Variants in ATG7 observed in about 807,000 individuals in gnomAD.
ATG7 encodes ubiquitin-like modifier-activating enzyme ATG7.
Under a neutral mutation model 82.4 loss-of-function variants are expected in ATG7, and 70 were observed. The ratio of observed to expected loss-of-function variants is 0.85; its 90% CI spans 0.70 to 1.04. The LOEUF is 1.04. Among genes scored for constraint, ATG7 ranks in the 50% least tolerant of loss-of-function variants. ATG7 has a pLI of 0.00. For missense variants in ATG7, 792 were observed against 864.3 expected, an observed-to-expected ratio of 0.92 and a Z score of 1.05; for synonymous variants, 287 against 313.0, an observed-to-expected ratio of 0.92 and a Z score of 0.88.
intron 20 of ATG7, among the ~76,000 whole-genome samples, chr3:11,518,934 C>G (rs2092359083): frequency 6.6e-6 from 1 of 152,096 alleles, no homozygotes; most frequent in Admixed American, 6.5e-5. Flanking sequence ...TCTCAGAATT[C>G]TCTTGCAGCT....
At chr3:11,328,471 ATCTG>A (rs1219029610) in intron 9 of ATG7, among the ~76,000 whole-genome samples, 1 of 152,222 alleles carries the variant, frequency 6.6e-6, no homozygotes, top group South Asian at 2.1e-4. Flanking sequence ...TTAAATACGA[ATCTG>A]TCTATTTGCG....
intron 14 of ATG7, among the ~76,000 whole-genome samples, chr3:11,352,630 C>A (rs2075648689): frequency 6.6e-6 from 1 of 152,212 alleles, no homozygotes; most frequent in South Asian, 2.1e-4. Flanking sequence ...TTCTACCAGG[C>A]CACGGAGAAA....
At chr3:11,273,727 TAAG>T (rs1462173188) in intron 1 of ATG7, among the ~76,000 whole-genome samples, 3 of 152,210 alleles carry the variant, frequency 2.0e-5, no homozygotes, top group African/African-American at 4.8e-5. Context: ...ATCAGTAAAA[TAAG>T]AAGAAAAAGA....
intron 19 of ATG7, among the ~76,000 whole-genome samples, chr3:11,397,464 T>C (rs2079406778): frequency 6.6e-6 from 1 of 152,034 alleles, no homozygotes; most frequent in Admixed American, 6.6e-5. Context: ...AAATAAATGA[T>C]TTTTCCCCCC....
At chr3:11,564,705 C>CCTCCCTCCCTCACCACCG in the ATG7 span, 1 of 1,443,220 alleles carries the variant, frequency 6.9e-7, no homozygotes, top group Non-Finnish European at 9.3e-7. Context: ...TCCCTCACCA[C>CCTCCCTCCCTCACCACCG]CGCCCTCGGA....
At chr3:11,527,151 C>T (rs1438466636) in intron 20 of ATG7, among the ~76,000 whole-genome samples, 2 of 151,086 alleles carry the variant, frequency 1.3e-5, no homozygotes, top group Non-Finnish European at 2.9e-5. Flanking sequence ...GTTGTCCAGG[C>T]TGGAGTACAG....
intron 20 of ATG7, among the ~76,000 whole-genome samples, chr3:11,532,916 T>C (rs535420499): frequency 6.6e-6 from 1 of 152,312 alleles, no homozygotes; most frequent in Non-Finnish European, 1.5e-5. Context: ...CTGAGTCTTG[T>C]TATCTTTGCA....
intron 18 of ATG7, among the ~76,000 whole-genome samples, chr3:11,378,685 C>CAAAAAAAAAAAAAAAAAAAAAAAAAAAAA (rs368506515): frequency 1.3e-5 from 1 of 78,968 alleles, no homozygotes; most frequent in African/African-American, 7.0e-5. Flanking sequence ...ACTCCATCTC[C>CAAAAAAAAAAAAAAAAAAAAAAAAAAAAA]AAAAAAAAAA....
intron 9 of ATG7, among the ~76,000 whole-genome samples, chr3:11,322,571 C>T (rs779622551): frequency 1.1e-4 from 16 of 151,890 alleles, no homozygotes; most frequent in Non-Finnish European, 2.1e-4. Flanking sequence ...TAAGATTGTA[C>T]AGTATTTTGT....
intron 16 of ATG7, among the ~76,000 whole-genome samples, 188 bp from the exon 17 acceptor site, chr3:11,362,624 TA>T (rs1278024995): frequency 6.6e-6 from 1 of 152,234 alleles, no homozygotes; most frequent in Non-Finnish European, 1.5e-5. Flanking sequence ...CTCATTTAGT[TA>T]CCTAAATTGT....
At chr3:11,402,575 T>TA (rs1337092316) in intron 19 of ATG7, among the ~76,000 whole-genome samples, 2 of 152,308 alleles carry the variant, frequency 1.3e-5, no homozygotes, top group South Asian at 2.1e-4. Context: ...AGAACCTCCT[T>TA]ATACATTCAT....
At chr3:11,308,840 A>G in intron 6 of ATG7, 144 bp from the exon 7 acceptor site, 2 of 745,828 alleles carry the variant, frequency 2.7e-6, no homozygotes, top group South Asian at 1.6e-5. Flanking sequence ...GAGTGAGGTA[A>G]CAACCCACTT....
chr3:11,559,390 G>A (rs937301844), downstream of ATG7: 3 of 1,559,688 alleles, frequency 1.9e-6, no homozygotes. Flanking sequence ...TGTGCGCGAT[G>A]GGGCAGTGCG....
intron 14 of ATG7, among the ~76,000 whole-genome samples, chr3:11,354,833 GTAGGTAGTGAAAGACTATGGTCA>G (rs1050668434): frequency 5.3e-5 from 8 of 152,188 alleles, no homozygotes; most frequent in African/African-American, 1.2e-4. Context: ...ACAGTGAACA[GTAGGTAGTGAAAGACTATGGTCA>G]TAGGTAGTGA....
chr3:11,480,475 G>T (rs1317666441), intron 20 of ATG7, among the ~76,000 whole-genome samples: 1 of 152,032 alleles, frequency 6.6e-6, no homozygotes, highest in African/African-American at 2.4e-5. Flanking sequence ...ATTGGGAGGG[G>T]GTGCGATGGT....
the ATG7 span, among the ~76,000 whole-genome samples, chr3:11,575,860 C>T: frequency 2.0e-5 from 3 of 152,216 alleles, no homozygotes; most frequent in Admixed American, 1.3e-4. Context: ...ACCCTCTTTG[C>T]TTGGCAATGT....
At chr3:11,565,144 G>T in the ATG7 span, 3 of 998,240 alleles carry the variant, frequency 3.0e-6, no homozygotes, top group Non-Finnish European at 1.3e-6. The surrounding 1 kb of genome is among the most constrained non-coding windows in gnomAD (Gnocchi z 4.1). Context: ...GTGTGGCTGG[G>T]CAGCACGATG....
intron 20 of ATG7, among the ~76,000 whole-genome samples, chr3:11,468,148 G>A (rs760076450): frequency 6.6e-6 from 1 of 152,168 alleles, no homozygotes; most frequent in Admixed American, 6.5e-5. Context: ...ATCCCTGCTC[G>A]CCCTTTGAGG....
chr3:11,565,244 T>C, the ATG7 span, among the ~76,000 whole-genome samples: 2 of 152,220 alleles, frequency 1.3e-5, no homozygotes, highest in African/African-American at 4.8e-5. This position sits in a 1 kb window ranked among gnomAD's most constrained non-coding sequence, Gnocchi z 4.1. Context: ...GTCAGCTCCA[T>C]AGAAGATGGA....
Sources: gnomAD v4.1 joint callset for allele counts (sites outside exome capture counted in the v4.1 genomes callset) on GRCh38, gnomAD v4.1.1 for gene constraint, Gnocchi (gnomAD v3.1) non-coding constraint, MANE v1.5 for transcripts, NCBI Gene and HGNC (gene_info 2026-07-23, HGNC 2026-07-21) for gene names.